PTK2B: variants seen among roughly 807,000 people sequenced by gnomAD.
PTK2B encodes the protein protein tyrosine kinase 2 beta.
PTK2B carries 71 observed loss-of-function variants against 142.9 expected under a neutral mutation model. The ratio of observed to expected loss-of-function variants is 0.50; its 90% CI spans 0.41 to 0.61. The LOEUF (loss-of-function observed/expected upper bound fraction) is 0.61, where lower values mean the gene tolerates loss of function less well. Among genes scored for constraint, PTK2B ranks in the 20% least tolerant of loss-of-function variants. PTK2B has a pLI of 0.00. For missense variants in PTK2B, 1,105 were observed against 1,320.4 expected (o/e 0.84, Z 2.53); for synonymous variants, 519 against 503.4 (o/e 1.03, Z -0.42).
intron 1 of PTK2B, among the ~76,000 whole-genome samples, chr8:27,394,544 G>C (rs1198338850): frequency 6.6e-6 from 1 of 152,242 alleles, no homozygotes; most frequent in East Asian, 1.9e-4. Context: ...CTGCGAGTGA[G>C]TGTGAGTGAA....
intron 1 of PTK2B, among the ~76,000 whole-genome samples, chr8:27,345,860 A>G (rs1014817851): frequency 6.6e-6 from 1 of 152,144 alleles, no homozygotes; most frequent in Non-Finnish European, 1.5e-5. Context: ...GGACCTCATG[A>G]TCCTGGAGGC....
chr8:27,316,628 C>T (rs74633093), intron 3 of PTK2B, among the ~76,000 whole-genome samples: 100 of 152,332 alleles, frequency 6.6e-4, no homozygotes, highest in Admixed American at 1.3e-3. Flanking sequence ...CAGACATAAT[C>T]GACCTTGTTC....
chr8:27,407,040 A>G (rs1392625927), intron 2 of PTK2B, among the ~76,000 whole-genome samples: 3 of 152,184 alleles, frequency 2.0e-5, no homozygotes, highest in Admixed American at 6.5e-5. Context: ...GGCATCAAGA[A>G]CGCTTCATAC....
Position 27,433,470 on chromosome 8 carries a change from T to C in PTK2B, c.1023T>C (p.Ala341=). 2 of 1,614,212 alleles carry C rather than the reference T, an allele frequency of 1.2e-6. No individual in the cohort carries two copies. Among genetic ancestry groups the C allele is most frequent in the Non-Finnish European group, 1.7e-6 (2 of 1,180,008 alleles). Residue 341 remains alanine (A), a synonymous_variant, in exon 11 of 31, where the codon GCT becomes GCC. Coordinates refer to ENST00000346049, the MANE Select transcript of PTK2B (RefSeq NM_173176.3). ...LSIKTSSLAE[A]ENMADLIDGY... ...TCAAAACCTCATCCCTAGCAGAGGC[T>C]GAGAACATGGCTGACCTCATAGACG...
chr8:27,428,194 C>T (rs1810199928), intron 5 of PTK2B, among the ~76,000 whole-genome samples: 1 of 152,160 alleles, frequency 6.6e-6, no homozygotes, highest in Non-Finnish European at 1.5e-5. Context: ...AATGTCACCA[C>T]TGATCTGACA....
At chr8:27,444,515 C>T (rs1811345502) in intron 23 of PTK2B, among the ~76,000 whole-genome samples, 1 of 152,156 alleles carries the variant, frequency 6.6e-6, no homozygotes, top group South Asian at 2.1e-4. Context: ...ACATCATCTG[C>T]TGCTTTGTGT....
intron 20 of PTK2B, among the ~76,000 whole-genome samples, chr8:27,440,029 G>A (rs981886535): frequency 1.7e-4 from 26 of 152,156 alleles, no homozygotes; most frequent in Admixed American, 1.3e-3. Context: ...GGGGTCTAGC[G>A]AGCAAGGCCT....
intron 1 of PTK2B, among the ~76,000 whole-genome samples, chr8:27,351,615 TA>T (rs1805097690): frequency 6.6e-6 from 1 of 152,094 alleles, no homozygotes; most frequent in Non-Finnish European, 1.5e-5. Context: ...AATTAATAAA[TA>T]AATAAAAGTG....
chr8:27,341,029 G>T (rs1320349691), intron 1 of PTK2B, among the ~76,000 whole-genome samples: 3 of 152,152 alleles, frequency 2.0e-5, no homozygotes, highest in Admixed American at 2.0e-4. Flanking sequence ...CAAGGGGGTG[G>T]CCTGGCAGCT....
intron 1 of PTK2B, among the ~76,000 whole-genome samples, chr8:27,371,503 C>G (rs540455176): frequency 6.6e-6 from 1 of 151,764 alleles, no homozygotes; most frequent in East Asian, 1.9e-4. Flanking sequence ...TCCATTTTCT[C>G]ATCTGTAATA....
chr8:27,321,053 G>A (rs1166842254), upstream of PTK2B, among the ~76,000 whole-genome samples: 1 of 119,634 alleles, frequency 8.4e-6, no homozygotes, highest in East Asian at 2.6e-4. Flanking sequence ...TTCATCCACT[G>A]GTGCAATCAT....
At chr8:27,409,538 G>T (rs1425695838) in intron 2 of PTK2B, among the ~76,000 whole-genome samples, 1 of 152,120 alleles carries the variant, frequency 6.6e-6, no homozygotes, top group African/African-American at 2.4e-5. Context: ...GTACAGAGGG[G>T]ATGGGACTGG....
At chr8:27,443,895 C>T (rs1360715141) in intron 22 of PTK2B, among the ~76,000 whole-genome samples, 3 of 152,216 alleles carry the variant, frequency 2.0e-5, no homozygotes, top group Non-Finnish European at 4.4e-5. Context: ...CCTCTGCATG[C>T]CTGTGGCTCT....
At chr8:27,451,798 T>G in intron 27 of PTK2B, 1 of 1,293,762 alleles carries the variant, frequency 7.7e-7, no homozygotes, top group Non-Finnish European at 9.8e-7. Flanking sequence ...CTGGAAATTC[T>G]CTCTTCCTCA....
At chr8:27,335,393 G>A (rs1803997170) in intron 1 of PTK2B, among the ~76,000 whole-genome samples, 1 of 152,152 alleles carries the variant, frequency 6.6e-6, no homozygotes. Context: ...GGGAGTTTGA[G>A]ACCAGCCTGA....
chr8:27,312,539 C>T (rs1803000328), intron 2 of PTK2B, among the ~76,000 whole-genome samples: 1 of 152,054 alleles, frequency 6.6e-6, no homozygotes, highest in African/African-American at 2.4e-5. Flanking sequence ...TGTCTCTGAC[C>T]CAGGAGTTTC....
chr8:27,430,245 C>G, intron 6 of PTK2B, 90 bp downstream of exon 6: 2 of 1,578,274 alleles, frequency 1.3e-6, no homozygotes, highest in Non-Finnish European at 1.7e-6. Flanking sequence ...CTCCCCAGAC[C>G]AGAGCCACAT....
intron 1 of PTK2B, among the ~76,000 whole-genome samples, chr8:27,366,651 T>C (rs1806034390): frequency 6.6e-6 from 1 of 152,204 alleles, no homozygotes; most frequent in South Asian, 2.1e-4. Context: ...GGTCAGTCTT[T>C]ACAATATGCA....
intron 9 of PTK2B, chr8:27,431,974 T>A (rs1410053491): frequency 2.8e-6 from 1 of 360,272 alleles, no homozygotes. Flanking sequence ...TCTTAAAACA[T>A]GTTGAGATTT....
Sources: allele counts gnomAD v4.1 joint callset (sites outside exome capture counted in the v4.1 genomes callset), GRCh38; gene constraint gnomAD v4.1.1; transcripts MANE v1.5; gene names NCBI Gene and HGNC (gene_info 2026-07-23, HGNC 2026-07-21).